The following LNX1 variants were observed in gnomAD, a reference collection of about 807,000 sequenced individuals.
The protein encoded by LNX1 is E3 ubiquitin-protein ligase LNX.
LNX1 carries 54 observed loss-of-function variants against 68.4 expected under a neutral mutation model. That is an observed-to-expected ratio of 0.79 (90% confidence interval 0.63 to 0.99). LNX1 has a LOEUF of 0.99. LNX1 is among the 50% of genes least tolerant of loss of function. LNX1 has a pLI of 0.00. For missense variants in LNX1, 906 were observed against 926.4 expected (o/e 0.98, Z 0.29); for synonymous variants, 336 against 350.0 (o/e 0.96, Z 0.45).
intron 1 of LNX1, among the ~76,000 whole-genome samples, chr4:53,587,662 G>GAA (rs200713622): frequency 1.3e-5 from 2 of 150,760 alleles, no homozygotes; most frequent in African/African-American, 4.9e-5. Flanking sequence ...AGAGTGAAAG[G>GAA]AAAAAAAAAG....
In LNX1 at chr4:53,629,973, C is replaced by T. The variant is rs139808393; in HGVS notation, c.-215+22195G>A. 6.6e-5 allele frequency among the ~76,000 whole-genome samples: 10 copies of T among 152,210 alleles called. No individual in the cohort carries two copies. In the South Asian group the frequency reaches 8.3e-4, roughly 13 times the overall value. ...TTCCATTGAAAAGCCAAAATCTCCA[C>T]CTTGTACCTATACTAATATTTTCTA... On this transcript the variant is annotated intron_variant, in intron 1 of 2. Transcript: ENST00000507168.
At chr4:53,489,460 C>G (rs1724539222) in intron 6 of LNX1, among the ~76,000 whole-genome samples, 1 of 152,124 alleles carries the variant, frequency 6.6e-6, no homozygotes, top group African/African-American at 2.4e-5. Context: ...TCTTGAGTCC[C>G]TGAATCTGCT....
intron 2 of LNX1, among the ~76,000 whole-genome samples, chr4:53,611,811 A>T (rs929481739): frequency 2.6e-5 from 4 of 152,216 alleles, no homozygotes; most frequent in African/African-American, 9.6e-5. Context: ...CTAGTGGATT[A>T]TATGTACTGT....
At chr4:53,501,807 C>A (rs1725526619) in intron 4 of LNX1, 2 of 152,342 alleles carry the variant, frequency 1.3e-5, no homozygotes, top group East Asian at 1.9e-4. Flanking sequence ...TGATACCAGG[C>A]TAGCTGAGTC....
At chr4:53,484,569 A>AG (rs1724162059) in intron 6 of LNX1, among the ~76,000 whole-genome samples, 1 of 152,060 alleles carries the variant, frequency 6.6e-6, no homozygotes, top group African/African-American at 2.4e-5. Context: ...TCTCAAAAAA[A>AG]GAAAAAAAAA....
chr4:53,590,816 G>A (rs1732463584), intron 1 of LNX1, among the ~76,000 whole-genome samples: 3 of 152,104 alleles, frequency 2.0e-5, no homozygotes, highest in African/African-American at 7.2e-5. Context: ...TCAACAAAGA[G>A]CAAAGAAAAT....
At chr4:53,528,991 GA>G (rs1727826165) in intron 2 of LNX1, among the ~76,000 whole-genome samples, 1 of 152,128 alleles carries the variant, frequency 6.6e-6, no homozygotes, top group South Asian at 2.1e-4. Context: ...CCAATACAGA[GA>G]GAATGCATAT....
chr4:53,567,012 G>A (rs1490300982), intron 2 of LNX1, among the ~76,000 whole-genome samples: 54 of 151,226 alleles, frequency 3.6e-4, no homozygotes, highest in South Asian at 6.3e-4. Context: ...TGAGTGACCT[G>A]CAAAGAGACT....
intron 1 of LNX1, among the ~76,000 whole-genome samples, chr4:53,629,102 C>A (rs911683414): frequency 6.6e-6 from 1 of 152,146 alleles, no homozygotes; most frequent in African/African-American, 2.4e-5. Context: ...TAACCATAAA[C>A]CACTTGTACC....
intron 1 of LNX1, among the ~76,000 whole-genome samples, chr4:53,649,924 G>A (rs936639501): frequency 2.6e-4 from 39 of 152,168 alleles, no homozygotes; most frequent in African/African-American, 9.2e-4. Context: ...CTTTGTATCT[G>A]TTGTTGAGTA....
chr4:53,504,382 C>T (rs1725724778), intron 4 of LNX1, among the ~76,000 whole-genome samples: 1 of 152,370 alleles, frequency 6.6e-6, no homozygotes, highest in Non-Finnish European at 1.5e-5. Flanking sequence ...AGCTTCTTCA[C>T]CTCTCTCAGC....
Position 53,460,904 on chromosome 4 carries a change from A to G in LNX1, c.*3T>C. The G allele has an allele frequency of 1.2e-6, 2 of 1,607,406 alleles. No homozygotes were observed. Among genetic ancestry groups the G allele is most frequent in the Non-Finnish European group, 1.7e-6 (2 of 1,177,560 alleles). On this transcript the variant is annotated 3_prime_UTR_variant, in exon 11 of 11. Transcript: ENST00000263925. ...TCTGTTTTCCTCTGACCCATCATTG[A>G]TTCTATAAAAAAGTGCCAGGCCAAG...
chr4:53,532,820 G>A (rs1443055725), intron 2 of LNX1, among the ~76,000 whole-genome samples: 2 of 152,218 alleles, frequency 1.3e-5, no homozygotes, highest in African/African-American at 2.4e-5. Flanking sequence ...TGCCTCACCT[G>A]AGGGTGAATT....
intron 4 of LNX1, among the ~76,000 whole-genome samples, chr4:53,503,121 ATAGTTAC>A (rs1160799754): frequency 6.6e-6 from 1 of 152,020 alleles, no homozygotes; most frequent in Non-Finnish European, 1.5e-5. Context: ...CACCACATCT[ATAGTTAC>A]TTTTCTCCAC....
chr4:53,470,805 G>A (rs1723106520), intron 9 of LNX1, among the ~76,000 whole-genome samples: 1 of 151,914 alleles, frequency 6.6e-6, no homozygotes, highest in Non-Finnish European at 1.5e-5. Flanking sequence ...CCTCTTCAAG[G>A]AGAACTACAA....
At chr4:53,502,480 C>T (rs768094254) in intron 4 of LNX1, among the ~76,000 whole-genome samples, 3 of 152,180 alleles carry the variant, frequency 2.0e-5, no homozygotes, top group Admixed American at 6.5e-5. Context: ...TGCTGTTTAA[C>T]GATCATCTGA....
intron 2 of LNX1, among the ~76,000 whole-genome samples, chr4:53,535,543 A>C (rs1044084869): frequency 1.8e-4 from 9 of 51,028 alleles, no homozygotes; most frequent in Non-Finnish European, 4.7e-4. Flanking sequence ...AGATTTTATC[A>C]TTCTATTTTG....
Position 53,476,805 on chromosome 4 carries a change from C to T in LNX1, c.1840G>A (p.Ala614Thr). The T allele has an allele frequency of 6.2e-7, 1 of 1,614,108 alleles. No individual in the cohort carries two copies. The highest frequency in any genetic ancestry group is 8.5e-7 in the Non-Finnish European group (1 of 1,180,028). Residue 614 changes from alanine (A) to threonine (T), a missense_variant, in exon 9 of 11, where the codon GCC (alanine) becomes ACC (threonine). By Grantham distance (58) the Ala-to-Thr change is moderately conservative. Coordinates refer to ENST00000263925, the MANE Select transcript of LNX1 (RefSeq NM_001126328.3). ...GATGGGGACCAGTCACTGGGTGGGGCCATGTTGTGGTTGGAGTCCAGGGCT... is the reference window on the plus strand; with the variant it reads ...GATGGGGACCAGTCACTGGGTGGGGTCATGTTGTGGTTGGAGTCCAGGGCT... ...PAALDSNHNM[A>T]PPSDWSPSWV...
intron 2 of LNX1, 44 bp downstream of exon 2, chr4:53,573,579 C>T: frequency 1.4e-6 from 2 of 1,426,330 alleles, no homozygotes; most frequent in Non-Finnish European, 1.9e-6. Context: ...TCCAGCTGTC[C>T]CGCTTGGGGG....
Sources: gnomAD v4.1 joint callset for allele counts (sites outside exome capture counted in the v4.1 genomes callset) on GRCh38, gnomAD v4.1.1 for gene constraint, MANE v1.5 for transcripts, NCBI Gene and HGNC (gene_info 2026-07-23, HGNC 2026-07-21) for gene names.